Variants in NXPH2 observed in about 807,000 individuals in gnomAD.
The protein encoded by NXPH2 is neurexophilin-2.
A neutral mutation model predicts 19.8 loss-of-function variants in NXPH2; 5 were observed. The observed-to-expected ratio is 0.25, with a 90% confidence interval of 0.13 to 0.53. NXPH2 has a LOEUF of 0.53. NXPH2 is among the 20% of genes least tolerant of loss of function. The pLI is 0.96. For missense variants in NXPH2, 289 were observed against 322.8 expected (o/e 0.90, Z 0.80); for synonymous variants, 154 against 127.4 (o/e 1.21, Z -1.41).
At chr2:138,763,107 G>A (rs1682043065) in intron 1 of NXPH2, among the ~76,000 whole-genome samples, 1 of 152,120 alleles carries the variant, frequency 6.6e-6, no homozygotes. Flanking sequence ...ATTGGAATTG[G>A]AAAAGACAGT....
At chr2:138,777,939 T>G (rs770030049) in intron 1 of NXPH2, among the ~76,000 whole-genome samples, 20 of 151,946 alleles carry the variant, frequency 1.3e-4, no homozygotes. Flanking sequence ...AGAAAATATT[T>G]TATCCCCTTG....
chr2:138,735,969 C>T (rs1235489042), intron 1 of NXPH2, among the ~76,000 whole-genome samples: 1 of 152,228 alleles, frequency 6.6e-6, no homozygotes, highest in Non-Finnish European at 1.5e-5. Flanking sequence ...CATGTCTCAC[C>T]TCCAGATCAC....
At chr2:138,768,038 C>T (rs896318023) in intron 1 of NXPH2, among the ~76,000 whole-genome samples, 1 of 152,234 alleles carries the variant, frequency 6.6e-6, no homozygotes, top group Non-Finnish European at 1.5e-5. Context: ...AATTTCGTTT[C>T]TAATAATTAT....
Position 138,738,740 on chromosome 2 carries a change from G to A in NXPH2, c.51+41451C>T, listed in dbSNP as rs374420106. 1.4e-4 allele frequency among the ~76,000 whole-genome samples: 21 copies of A among 152,322 alleles called. No homozygotes were observed. In the East Asian group the frequency reaches 3.9e-3, roughly 28 times the overall value. ...ACAAAGAGTCAGAACCAAGGGGACT[G>A]CCTGAATTTGCTCCCCTTGCTCCGC... On this transcript the variant is annotated intron_variant, in intron 1 of 1. Coordinates refer to ENST00000272641, the MANE Select transcript of NXPH2 (RefSeq NM_007226.3).
At chr2:138,724,178 G>A (rs962539089) in intron 1 of NXPH2, among the ~76,000 whole-genome samples, 2 of 152,152 alleles carry the variant, frequency 1.3e-5, no homozygotes, top group Admixed American at 1.3e-4. Flanking sequence ...ACTTATAAGT[G>A]AAAGCATGTG....
At chr2:138,712,642 A>G (rs1283627871) in intron 1 of NXPH2, among the ~76,000 whole-genome samples, 2 of 152,038 alleles carry the variant, frequency 1.3e-5, no homozygotes, top group African/African-American at 4.8e-5. Flanking sequence ...GCTTGATTTA[A>G]CTCCCAGAAG....
chr2:138,678,681 A>T (rs1272170527), intron 1 of NXPH2, among the ~76,000 whole-genome samples: 1 of 152,170 alleles, frequency 6.6e-6, no homozygotes, highest in Non-Finnish European at 1.5e-5. Context: ...ATTTAATATT[A>T]ATTCCCTAAA....
intron 1 of NXPH2, among the ~76,000 whole-genome samples, chr2:138,709,588 T>G (rs542265013): frequency 6.6e-6 from 1 of 152,154 alleles, no homozygotes; most frequent in African/African-American, 2.4e-5. Flanking sequence ...ATCCTATGGG[T>G]TTTGACAAAT....
At chr2:138,745,635 T>C (rs1380932463) in intron 1 of NXPH2, among the ~76,000 whole-genome samples, 2 of 152,160 alleles carry the variant, frequency 1.3e-5, no homozygotes, top group Admixed American at 6.5e-5. Context: ...AAACAAATTG[T>C]GGCATAGTTA....
intron 1 of NXPH2, among the ~76,000 whole-genome samples, chr2:138,742,241 CAGGGCTCTTTACTGTCATG>C: frequency 6.6e-6 from 1 of 152,302 alleles, no homozygotes; most frequent in South Asian, 2.1e-4. Flanking sequence ...ACTCCATCTT[CAGGGCTCTTTACTGTCATG>C]AGGGGCTGGA....
chr2:138,736,065 C>T (rs138072662), intron 1 of NXPH2, among the ~76,000 whole-genome samples: 1,640 of 152,324 alleles, frequency 0.011, 33 homozygotes, highest in African/African-American at 0.036. Flanking sequence ...GCTGCTTTCA[C>T]GGTCTGGCAT....
chr2:138,770,981 T>A (rs902795983), intron 1 of NXPH2, among the ~76,000 whole-genome samples: 3 of 151,902 alleles, frequency 2.0e-5, no homozygotes, highest in African/African-American at 7.2e-5. Flanking sequence ...TGTCAAAAAT[T>A]TTTTTTTAAA....
At chr2:138,771,259 G>A (rs1383861170) in intron 1 of NXPH2, among the ~76,000 whole-genome samples, 4 of 152,032 alleles carry the variant, frequency 2.6e-5, no homozygotes, top group African/African-American at 7.2e-5. Flanking sequence ...AAAAATATAA[G>A]TTGCTCTATC....
At chr2:138,700,631 T>G (rs1304349527) in intron 1 of NXPH2, among the ~76,000 whole-genome samples, 3 of 152,122 alleles carry the variant, frequency 2.0e-5, no homozygotes, top group African/African-American at 7.2e-5. Flanking sequence ...CTGTTCACCT[T>G]TAAATATGGG....
chr2:138,752,457 C>G (rs1681842009), intron 1 of NXPH2, among the ~76,000 whole-genome samples: 1 of 152,164 alleles, frequency 6.6e-6, no homozygotes, highest in Non-Finnish European at 1.5e-5. Context: ...CTGTCTTACA[C>G]ATTTTAAACA....
At chr2:138,775,436 A>T (rs1682246257) in intron 1 of NXPH2, among the ~76,000 whole-genome samples, 1 of 152,128 alleles carries the variant, frequency 6.6e-6, no homozygotes, top group South Asian at 2.1e-4. Flanking sequence ...AGGATTTTGA[A>T]ATAAAGAATA....
chr2:138,725,556 C>T (rs975883652), intron 1 of NXPH2, among the ~76,000 whole-genome samples: 13 of 152,096 alleles, frequency 8.5e-5, no homozygotes, highest in African/African-American at 3.1e-4. Context: ...ATGAATGAAA[C>T]CATTTTCTTC....
intron 1 of NXPH2, among the ~76,000 whole-genome samples, chr2:138,674,008 A>G (rs1680450586): frequency 6.6e-6 from 1 of 152,048 alleles, no homozygotes; most frequent in East Asian, 1.9e-4. Context: ...TTTTAGAGAC[A>G]GGATATCACT....
chr2:138,747,623 G>T (rs1405791899), intron 1 of NXPH2, among the ~76,000 whole-genome samples: 1 of 152,182 alleles, frequency 6.6e-6, no homozygotes, highest in Admixed American at 6.5e-5. Flanking sequence ...TGTCAAAAAG[G>T]GGGCCATAAG....
Sources: gnomAD v4.1 joint callset for allele counts (sites outside exome capture counted in the v4.1 genomes callset) on GRCh38, gnomAD v4.1.1 for gene constraint, MANE v1.5 for transcripts, NCBI Gene and HGNC (gene_info 2026-07-23, HGNC 2026-07-21) for gene names.